Variants in PGM5 observed in about 807,000 individuals in gnomAD.
The protein encoded by PGM5 is phosphoglucomutase-like protein 5.
A neutral mutation model predicts 59.2 loss-of-function variants in PGM5; 23 were observed. The observed-to-expected ratio is 0.39, with a 90% confidence interval of 0.28 to 0.55. PGM5 has a LOEUF of 0.55. Ranked by LOEUF, PGM5 falls within the 20% of genes least tolerant of loss-of-function variation. The pLI is 0.66. For synonymous variants in PGM5, 214 were observed against 286.0 expected, an observed-to-expected ratio of 0.75 and a Z score of 2.54; for missense variants, 574 against 748.3, an observed-to-expected ratio of 0.77 and a Z score of 2.72.
At chr9:68,440,212 C>A (rs1478771116) in intron 6 of PGM5, among the ~76,000 whole-genome samples, 1 of 152,152 alleles carries the variant, frequency 6.6e-6, no homozygotes, top group East Asian at 1.9e-4. Context: ...GAAGGAAGTA[C>A]TGAACACCAT....
chr9:68,390,508 C>T (rs1447937163), intron 4 of PGM5, among the ~76,000 whole-genome samples: 6 of 152,052 alleles, frequency 3.9e-5, no homozygotes, highest in African/African-American at 1.4e-4. Flanking sequence ...CAAACAAATC[C>T]CAAATGCTGT....
At chr9:68,505,505 AG>A (rs1554688947) in intron 10 of PGM5, among the ~76,000 whole-genome samples, 1 of 152,216 alleles carries the variant, frequency 6.6e-6, no homozygotes, top group Non-Finnish European at 1.5e-5. Flanking sequence ...CTACAAATTT[AG>A]GGTTTTCTAC....
At chr9:68,515,138 A>C (rs1223881142) in intron 10 of PGM5, among the ~76,000 whole-genome samples, 12 of 152,224 alleles carry the variant, frequency 7.9e-5, no homozygotes, top group Admixed American at 7.2e-4. Flanking sequence ...TCAATTATTT[A>C]AAACACTTTA....
chr9:68,497,530 A>C (rs1824500694), intron 9 of PGM5: 1 of 152,112 alleles, frequency 6.6e-6, no homozygotes, highest in Non-Finnish European at 1.5e-5. Context: ...GCATAAAGAC[A>C]CTCAGATGGA....
intron 6 of PGM5, among the ~76,000 whole-genome samples, chr9:68,463,642 G>A (rs782539905): frequency 1.4e-4 from 22 of 152,180 alleles, no homozygotes; most frequent in African/African-American, 3.1e-4. Flanking sequence ...ATAAGTTTTC[G>A]CTGTTTTTTA....
At chr9:68,502,058 A>G (rs1307454680) in intron 10 of PGM5, among the ~76,000 whole-genome samples, 1 of 152,200 alleles carries the variant, frequency 6.6e-6, no homozygotes, top group Non-Finnish European at 1.5e-5. Flanking sequence ...ATCTACATCA[A>G]AAATATTTTT....
chr9:68,476,094 A>G (rs112619791), intron 7 of PGM5, among the ~76,000 whole-genome samples: 1,753 of 152,300 alleles, frequency 0.012, 28 homozygotes, highest in African/African-American at 0.04. Flanking sequence ...CTATGACTTA[A>G]GGTTAAGAAA....
At chr9:68,479,922 CAA>C (rs60645209) in intron 8 of PGM5, among the ~76,000 whole-genome samples, 16 of 53,808 alleles carry the variant, frequency 3.0e-4, no homozygotes, top group Non-Finnish European at 3.4e-4. Context: ...GACTCCGTCT[CAA>C]AAAAAAAAAA....
chr9:68,465,391 T>G lies in PGM5; in HGVS notation c.1159+183T>G, dbSNP rs559010703. Among the ~76,000 whole-genome samples, 615 of 152,346 alleles carry G rather than the reference T, an allele frequency of 4.0e-3. 5 individuals are homozygous for G. Among genetic ancestry groups the G allele is most frequent in the African/African-American group, 0.014 (586 of 41,590 alleles). On this transcript the variant is annotated intron_variant, in intron 7 of 10. Coordinates refer to ENST00000396396, the MANE Select transcript of PGM5 (RefSeq NM_021965.4). ...CCTCTTTTGTCCATTTTGTTTCTTC[T>G]TTTTAGAAATTTCTCTTTCTTTAAA...
intron 2 of PGM5, among the ~76,000 whole-genome samples, chr9:68,381,876 G>GA (rs1458629309): frequency 6.6e-6 from 1 of 151,848 alleles, no homozygotes; most frequent in Non-Finnish European, 1.5e-5. Context: ...AACATTGATT[G>GA]AATAAGACAC....
chr9:68,526,389 A>G (rs1824974646), intron 10 of PGM5, among the ~76,000 whole-genome samples: 1 of 152,220 alleles, frequency 6.6e-6, no homozygotes, highest in African/African-American at 2.4e-5. Context: ...CAGCTTGCAT[A>G]AGCACCACGG....
chr9:68,425,880 T>G (rs144779694), intron 6 of PGM5, among the ~76,000 whole-genome samples: 1 of 152,256 alleles, frequency 6.6e-6, no homozygotes, highest in East Asian at 1.9e-4. Context: ...TGGAAATAAA[T>G]TTGTATCGAA....
chr9:68,465,235 G>A (rs1823914876), intron 7 of PGM5, 27 bp downstream of exon 7: 3 of 1,405,834 alleles, frequency 2.1e-6, no homozygotes, highest in Non-Finnish European at 2.0e-6. Context: ...TGATATTACT[G>A]GGGAGGGCGG....
chr9:68,450,234 A>C (rs1823674186), intron 6 of PGM5, among the ~76,000 whole-genome samples: 1 of 152,176 alleles, frequency 6.6e-6, no homozygotes, highest in Admixed American at 6.5e-5. Flanking sequence ...AAAAACAAGA[A>C]TCTCTAGAAA....
intron 6 of PGM5, among the ~76,000 whole-genome samples, chr9:68,406,722 A>ATATATATATATG (rs1822826704): frequency 2.3e-5 from 2 of 88,492 alleles, no homozygotes; most frequent in Non-Finnish European, 4.3e-5. Flanking sequence ...ATATATATAT[A>ATATATATATATG]TATGTATATA....
At chr9:68,401,883 ATATATATG>A (rs1190333583) in intron 6 of PGM5, among the ~76,000 whole-genome samples, 9 of 105,862 alleles carry the variant, frequency 8.5e-5, no homozygotes, top group African/African-American at 3.0e-4. Flanking sequence ...ACAGCTATAT[ATATATATG>A]TGTGTGTGTG....
chr9:68,499,391 T>C (rs1824534262), intron 10 of PGM5, 30 bp downstream of exon 10: 1 of 1,606,110 alleles, frequency 6.2e-7, no homozygotes. Context: ...CCCAGCAGTG[T>C]GTCTCGCAGC....
chr9:68,525,520 A>G (rs1428845759), intron 10 of PGM5, among the ~76,000 whole-genome samples: 1 of 152,212 alleles, frequency 6.6e-6, no homozygotes, highest in South Asian at 2.1e-4. Context: ...TTGCGAATCA[A>G]CTAGGGGAAA....
chr9:68,452,337 G>A lies in PGM5; in HGVS notation c.1044-12756G>A, dbSNP rs145380541. Among the ~76,000 whole-genome samples the A allele has an allele frequency of 1.5e-3, 223 of 152,054 alleles. 1 individual carries two copies. The highest frequency in any genetic ancestry group is 2.5e-3 in the Non-Finnish European group (171 of 68,000). ...AGGAAGTTTCTCCTAAGCACCAAGA[G>A]CCCCTACACGGAATGGAACCACGCA... On this transcript the variant is annotated intron_variant, in intron 6 of 10. Coordinates refer to ENST00000396396, the MANE Select transcript of PGM5 (RefSeq NM_021965.4).
Sources: allele counts gnomAD v4.1 joint callset (sites outside exome capture counted in the v4.1 genomes callset), GRCh38; gene constraint gnomAD v4.1.1; transcripts MANE v1.5; gene names NCBI Gene and HGNC (gene_info 2026-07-23, HGNC 2026-07-21).